The following SUMF1 variants were observed in gnomAD, a reference collection of about 807,000 sequenced individuals.
SUMF1 encodes sulfatase modifying factor 1, also known as formylglycine-generating enzyme.
In SUMF1, 48 loss-of-function variants were observed where a neutral mutation model predicts 47.6. The ratio of observed to expected loss-of-function variants is 1.01; its 90% CI spans 0.80 to 1.28. The LOEUF is 1.28. SUMF1 is among the 50% of genes most tolerant of loss of function. SUMF1 has a pLI of 0.00. For missense variants in SUMF1, 571 were observed against 485.4 expected, an observed-to-expected ratio of 1.18 and a Z score of -1.66; for synonymous variants, 230 against 192.1, an observed-to-expected ratio of 1.20 and a Z score of -1.63.
At chr3:4,248,081 T>C (rs1479757560) in intron 8 of SUMF1, among the ~76,000 whole-genome samples, 1 of 152,228 alleles carries the variant, frequency 6.6e-6, no homozygotes, top group Non-Finnish European at 1.5e-5. Context: ...TTGATATTAC[T>C]AGTATTAATT....
At chr3:4,376,225 G>A in intron 8 of SUMF1, 105 bp downstream of exon 8, 1 of 1,350,954 alleles carries the variant, frequency 7.4e-7, no homozygotes, top group Admixed American at 1.7e-5. Flanking sequence ...GGGTTAGGTA[G>A]GCATTTGCAG....
chr3:4,078,197 C>T (rs897200127), intron 8 of SUMF1, among the ~76,000 whole-genome samples: 1 of 152,068 alleles, frequency 6.6e-6, no homozygotes, highest in Non-Finnish European at 1.5e-5. Context: ...TCTGAGCAGG[C>T]ATACAAGCTG....
chr3:4,320,756 T>C (rs1559224397), intron 8 of SUMF1, among the ~76,000 whole-genome samples: 1 of 152,224 alleles, frequency 6.6e-6, no homozygotes, highest in Non-Finnish European at 1.5e-5. Flanking sequence ...GGTTGTTTGA[T>C]GAAATTCCTA....
intron 8 of SUMF1, among the ~76,000 whole-genome samples, chr3:4,372,011 T>C (rs1700182901): frequency 6.6e-6 from 1 of 152,228 alleles, no homozygotes; most frequent in Admixed American, 6.5e-5. Flanking sequence ...CATCAGAATT[T>C]ACTTTAGCCA....
At chr3:4,188,019 TAGA>T (rs2125139588) in intron 8 of SUMF1, among the ~76,000 whole-genome samples, 1 of 152,168 alleles carries the variant, frequency 6.6e-6, no homozygotes, top group African/African-American at 2.4e-5. Context: ...ACAGCAAAAT[TAGA>T]AGGACAGTAT....
chr3:4,089,719 C>G (rs1692744510), intron 8 of SUMF1, among the ~76,000 whole-genome samples: 1 of 152,304 alleles, frequency 6.6e-6, no homozygotes, highest in South Asian at 2.1e-4. Flanking sequence ...TGAAACTCAA[C>G]TACCACCTTT....
chr3:4,052,202 A>G (rs76640502), intron 9 of SUMF1, among the ~76,000 whole-genome samples: 2,691 of 152,224 alleles, frequency 0.018, 70 homozygotes, highest in African/African-American at 0.062. Context: ...GTGTCTCCAC[A>G]TGATGGACGG....
In SUMF1 at chr3:4,464,363, A is replaced by G. The variant is rs925918143; in HGVS notation, c.270+2613T>C. ...GGTACTCTGGACATATCCCTCCTATAGTATTCTCACTATAGAAAAATGATA... is the reference window on the plus strand; with the variant it reads ...GGTACTCTGGACATATCCCTCCTATGGTATTCTCACTATAGAAAAATGATA... On this transcript the variant is annotated intron_variant, in intron 1 of 8. Coordinates refer to ENST00000272902, the MANE Select transcript of SUMF1 (RefSeq NM_182760.4). 2.9e-4 allele frequency among the ~76,000 whole-genome samples: 44 copies of G among 151,694 alleles called. 1 individual carries two copies. Among genetic ancestry groups the G allele is most frequent in the Non-Finnish European group, 4.4e-5 (3 of 67,942 alleles).
chr3:4,411,670 G>A (rs892985020), intron 6 of SUMF1, among the ~76,000 whole-genome samples: 1 of 144,164 alleles, frequency 6.9e-6, no homozygotes, highest in Non-Finnish European at 1.5e-5. Flanking sequence ...CAGGACCAAA[G>A]TGCAGAGTTT....
chr3:4,443,118 A>G (rs1464522512), intron 3 of SUMF1, among the ~76,000 whole-genome samples: 1 of 151,998 alleles, frequency 6.6e-6, no homozygotes, highest in Non-Finnish European at 1.5e-5. Flanking sequence ...TCTGTTAAAA[A>G]ATACAAAACA....
intron 8 of SUMF1, among the ~76,000 whole-genome samples, chr3:4,247,749 G>A (rs953342181): frequency 2.0e-5 from 3 of 152,148 alleles, no homozygotes; most frequent in African/African-American, 7.2e-5. Flanking sequence ...AGGCATAGAA[G>A]AATACAAGCA....
intron 8 of SUMF1, among the ~76,000 whole-genome samples, chr3:4,339,344 A>G (rs897785929): frequency 6.6e-6 from 1 of 152,084 alleles, no homozygotes; most frequent in African/African-American, 2.4e-5. Context: ...TGGGAGGAAA[A>G]TTGGAGCACA....
intron 8 of SUMF1, among the ~76,000 whole-genome samples, chr3:4,366,763 C>G (rs1352690661): frequency 6.6e-6 from 1 of 151,700 alleles, no homozygotes; most frequent in Non-Finnish European, 1.5e-5. Flanking sequence ...TGGTGAGGAA[C>G]TGCGTTCCTT....
chr3:4,251,190 C>T (rs1696794293), intron 8 of SUMF1, among the ~76,000 whole-genome samples: 1 of 152,084 alleles, frequency 6.6e-6, no homozygotes. Flanking sequence ...TTCCAAACTT[C>T]GTGGATGATT....
chr3:4,083,212 G>T (rs928350522), intron 8 of SUMF1, among the ~76,000 whole-genome samples: 1 of 152,166 alleles, frequency 6.6e-6, no homozygotes, highest in African/African-American at 2.4e-5. Context: ...TGTTAATATT[G>T]TAATTCAAAC....
chr3:4,287,705 T>C (rs1002108849), intron 8 of SUMF1, among the ~76,000 whole-genome samples: 2 of 152,234 alleles, frequency 1.3e-5, no homozygotes, highest in Admixed American at 6.5e-5. Flanking sequence ...ATTTAAAATA[T>C]ACTACAGTAT....
intron 8 of SUMF1, among the ~76,000 whole-genome samples, chr3:4,370,011 C>T (rs1203776119): frequency 6.6e-6 from 1 of 152,186 alleles, no homozygotes; most frequent in African/African-American, 2.4e-5. Flanking sequence ...AGGGAGCTGA[C>T]ATTCAAAAGG....
intron 8 of SUMF1, among the ~76,000 whole-genome samples, chr3:4,163,385 AGGGAGGGAGGGAGGGAGGGAGGG>A (rs1694626095): frequency 1.0e-4 from 3 of 30,118 alleles, no homozygotes; most frequent in African/African-American, 2.4e-4. Context: ...GAAGGAAGGG[AGGGAGGGAGGGAGGGAGGGAGGG>A]AGGGAGGGAG....
At chr3:4,075,261 A>G (rs1016275930) in intron 8 of SUMF1, among the ~76,000 whole-genome samples, 1 of 152,150 alleles carries the variant, frequency 6.6e-6, no homozygotes, top group Non-Finnish European at 1.5e-5. Flanking sequence ...ATCTCAATAG[A>G]TACAAAAGAG....
Sources: allele counts gnomAD v4.1 joint callset (sites outside exome capture counted in the v4.1 genomes callset), GRCh38; gene constraint gnomAD v4.1.1; transcripts MANE v1.5; gene names NCBI Gene and HGNC (gene_info 2026-07-23, HGNC 2026-07-21).